The following ZNF407 variants were observed in gnomAD, a reference collection of about 807,000 sequenced individuals.
ZNF407 encodes the protein zinc finger protein 407.
A neutral mutation model predicts 131.2 loss-of-function variants in ZNF407; 17 were observed. That is an observed-to-expected ratio of 0.13 (90% CI 0.09 to 0.19). ZNF407 has a LOEUF of 0.19. Ranked by LOEUF, ZNF407 falls within the 10% of genes least tolerant of loss-of-function variation. The probability of loss-of-function intolerance (pLI) is 1.00; values close to 1 mark genes in which losing one functional copy is unlikely to be tolerated. For synonymous variants in ZNF407, 1,156 were observed against 1,062.0 expected (o/e 1.09, Z -1.72); for missense variants, 2,681 against 2,830.6 (o/e 0.95, Z 1.20).
intron 8 of ZNF407, among the ~76,000 whole-genome samples, chr18:74,999,348 TAAA>T (rs71170334): frequency 0.013 from 808 of 60,458 alleles, 2 homozygotes; most frequent in Admixed American, 0.047. Flanking sequence ...TAGAGTATAA[TAAA>T]AAAAAAAAAA....
At chr18:74,789,457 G>A (rs937314760) in intron 4 of ZNF407, among the ~76,000 whole-genome samples, 7 of 152,272 alleles carry the variant, frequency 4.6e-5, no homozygotes, top group East Asian at 1.9e-4. Context: ...TTTCATTGGC[G>A]GAAGGGCATG....
Position 74,632,072 on chromosome 18 carries a change from C to T in ZNF407, c.1053C>T (p.Ser351=). ...SSELLVEMMP[S]RNTLSQEVEI... is the part of the protein sequence containing the mutation. ...AGCTTCTTGTTGAAATGATGCCTTC[C>T]AGAAATACTTTGTCACAGGAAGTAG... The change falls in exon 2 of 9, where the codon TCC becomes TCT. Residue 351 remains serine (S), a synonymous_variant. Coordinates refer to ENST00000299687, the MANE Select transcript of ZNF407 (RefSeq NM_017757.3). 1 of 1,613,710 alleles carries T rather than the reference C, an allele frequency of 6.2e-7. No homozygotes were observed. The highest frequency in any genetic ancestry group is 8.5e-7 in the Non-Finnish European group (1 of 1,179,820).
Position 74,963,596 on chromosome 18 carries a change from C to A in ZNF407, c.5428+42904C>A, listed in dbSNP as rs12454814. On this transcript the variant is annotated intron_variant, in intron 8 of 8. Coordinates refer to ENST00000299687, the MANE Select transcript of ZNF407 (RefSeq NM_017757.3). Reference sequence around the variant, plus strand: ...GTGGACCCAAATTTTATAGCAAAATCTCCTCATTTATGCAGCAATCTTAGA... The same window carrying A: ...GTGGACCCAAATTTTATAGCAAAATATCCTCATTTATGCAGCAATCTTAGA... Among the ~76,000 whole-genome samples the A allele has an allele frequency of 2.6e-5, 4 of 152,010 alleles. No homozygotes were observed. In the South Asian group the frequency reaches 8.3e-4, roughly 31 times the overall value.
At chr18:74,989,372 G>A (rs1445466930) in intron 8 of ZNF407, among the ~76,000 whole-genome samples, 5 of 152,240 alleles carry the variant, frequency 3.3e-5, no homozygotes, top group African/African-American at 1.2e-4. Context: ...TTGTGGTGGT[G>A]TAACCACAGG....
intron 3 of ZNF407, among the ~76,000 whole-genome samples, chr18:74,688,631 T>C (rs1240430200): frequency 6.6e-6 from 1 of 152,240 alleles, no homozygotes; most frequent in African/African-American, 2.4e-5. Flanking sequence ...CTTCTATTTT[T>C]AATAGAAGTT....
At chr18:74,780,136 G>C (rs1044717978) in intron 3 of ZNF407, among the ~76,000 whole-genome samples, 2 of 151,936 alleles carry the variant, frequency 1.3e-5, no homozygotes, top group Admixed American at 1.3e-4. Flanking sequence ...ATTGTCCATA[G>C]TTGTTATTAC....
At chr18:74,920,271 G>T (rs1971829449) in intron 7 of ZNF407, among the ~76,000 whole-genome samples, 1 of 152,082 alleles carries the variant, frequency 6.6e-6, no homozygotes, top group Non-Finnish European at 1.5e-5. Flanking sequence ...ATAGTGCTTG[G>T]GATTTGGTAT....
intron 1 of ZNF407, among the ~76,000 whole-genome samples, chr18:74,604,530 C>G (rs1166314715): frequency 2.6e-5 from 4 of 152,232 alleles, no homozygotes; most frequent in Non-Finnish European, 4.4e-5. Context: ...TGTGCAGACA[C>G]TGTCTTTCCA....
intron 8 of ZNF407, among the ~76,000 whole-genome samples, chr18:74,960,316 G>A (rs1219654426): frequency 1.4e-5 from 2 of 147,406 alleles, no homozygotes; most frequent in African/African-American, 5.0e-5. Context: ...AGGGATAGGA[G>A]AAGGTCCTGA....
At chr18:74,900,818 T>G (rs920749956) in intron 7 of ZNF407, among the ~76,000 whole-genome samples, 1 of 152,246 alleles carries the variant, frequency 6.6e-6, no homozygotes, top group African/African-American at 2.4e-5. Context: ...GAACATCATG[T>G]TACATTTTAC....
chr18:74,705,374 A>T (rs891948984), intron 3 of ZNF407, among the ~76,000 whole-genome samples: 14 of 152,160 alleles, frequency 9.2e-5, no homozygotes, highest in Admixed American at 3.3e-4. Flanking sequence ...GATTTGGTTG[A>T]ATAGGACTGT....
At chr18:74,820,848 G>T (rs1970330577) in intron 4 of ZNF407, among the ~76,000 whole-genome samples, 1 of 152,084 alleles carries the variant, frequency 6.6e-6, no homozygotes, top group African/African-American at 2.4e-5. Flanking sequence ...GAAAGTTGTG[G>T]GAAAGGAAAC....
At chr18:74,976,266 G>A (rs1972527405) in intron 8 of ZNF407, among the ~76,000 whole-genome samples, 1 of 152,200 alleles carries the variant, frequency 6.6e-6, no homozygotes, top group Admixed American at 6.5e-5. Context: ...TAGTTTACGT[G>A]TTCTGTCACA....
Position 74,664,228 on chromosome 18 carries a change from G to A in ZNF407, c.4802+23106G>A, listed in dbSNP as rs573615888. ...AAGAAAGGACATTTTTTGGCTGGGCGTGGTGGCTCATGCCTATAATCAGCA... is the reference window on the plus strand; with the variant it reads ...AAGAAAGGACATTTTTTGGCTGGGCATGGTGGCTCATGCCTATAATCAGCA... On this transcript the variant is annotated intron_variant, in intron 3 of 8. Transcript: ENST00000299687. 3.9e-5 allele frequency among the ~76,000 whole-genome samples: 6 copies of A among 152,296 alleles called. No homozygotes were observed. The South Asian group carries it at 8.3e-4, about 21-fold the overall frequency.
At chr18:74,732,017 A>G (rs941466555) in intron 3 of ZNF407, among the ~76,000 whole-genome samples, 1 of 152,150 alleles carries the variant, frequency 6.6e-6, no homozygotes, top group Non-Finnish European at 1.5e-5. Flanking sequence ...CAGAGAGGTA[A>G]AGAGACCAAA....
chr18:74,824,924 G>T (rs543333320), intron 4 of ZNF407, among the ~76,000 whole-genome samples: 1 of 151,854 alleles, frequency 6.6e-6, no homozygotes, highest in Non-Finnish European at 1.5e-5. Flanking sequence ...AAAAGTTCAG[G>T]CCAGTATCCC....
At chr18:74,810,047 T>A (rs1396871121) in intron 4 of ZNF407, among the ~76,000 whole-genome samples, 3 of 152,120 alleles carry the variant, frequency 2.0e-5, no homozygotes, top group Non-Finnish European at 4.4e-5. Context: ...AATAGATAGG[T>A]TTGAAGTAGT....
chr18:74,939,123 T>A (rs953883453), intron 8 of ZNF407, among the ~76,000 whole-genome samples: 11 of 152,230 alleles, frequency 7.2e-5, no homozygotes, highest in Admixed American at 6.5e-4. Flanking sequence ...ATATTTATAA[T>A]TTTAGGGCAT....
rs780972850 is a variant in ZNF407 at position 74,632,538 on chromosome 18, C to T, written c.1519C>T (p.Arg507Cys). Residue 507 changes from arginine to cysteine, a missense_variant, in exon 2 of 9, where the codon CGT becomes TGT. By Grantham distance (180) the Arg-to-Cys change is radical. Coordinates refer to ENST00000299687, the MANE Select transcript of ZNF407 (RefSeq NM_017757.3). ...QEAEQGQGSA[R>C]PPDSGLHSLT... ...GGCAGAGCAGGGCCAGGGGAGTGCC[C>T]GTCCTCCGGACTCCGGGCTGCATTC... is the stretch of plus-strand genomic sequence containing the variant. The T allele has an allele frequency of 1.4e-5, 22 of 1,613,868 alleles. No individual in the cohort carries two copies. The highest frequency in any genetic ancestry group is 1.6e-4 in the Middle Eastern group (1 of 6,084).
Sources: gnomAD v4.1 joint callset for allele counts (sites outside exome capture counted in the v4.1 genomes callset) on GRCh38, gnomAD v4.1.1 for gene constraint, MANE v1.5 for transcripts, NCBI Gene and HGNC (gene_info 2026-07-23, HGNC 2026-07-21) for gene names.